SNTG1: variants seen among roughly 807,000 people sequenced by gnomAD.
SNTG1 encodes the protein syntrophin gamma 1.
In SNTG1, 39 loss-of-function variants were observed where a neutral mutation model predicts 74.7. The observed-to-expected ratio is 0.52, with a 90% confidence interval of 0.40 to 0.68. The LOEUF is 0.68. Ranked by LOEUF, SNTG1 falls within the 30% of genes least tolerant of loss-of-function variation. The pLI is 0.00. For synonymous variants in SNTG1, 254 were observed against 217.1 expected, an observed-to-expected ratio of 1.17 and a Z score of -1.49; for missense variants, 685 against 609.5, an observed-to-expected ratio of 1.12 and a Z score of -1.30.
chr8:50,603,162 C>A (rs1181519971), intron 13 of SNTG1, among the ~76,000 whole-genome samples: 2 of 152,128 alleles, frequency 1.3e-5, no homozygotes, highest in African/African-American at 2.4e-5. Context: ...TTTGCCTTTT[C>A]AAGGCTATTT....
intron 13 of SNTG1, among the ~76,000 whole-genome samples, chr8:50,620,997 G>A (rs2094919320): frequency 6.6e-6 from 1 of 152,140 alleles, no homozygotes; most frequent in Admixed American, 6.5e-5. Context: ...GAGCAAGGGG[G>A]TTGGAGGCAA....
At chr8:50,580,828 G>C (rs1429937714) in intron 12 of SNTG1, among the ~76,000 whole-genome samples, 2 of 152,104 alleles carry the variant, frequency 1.3e-5, no homozygotes. Context: ...AGTGAGAATG[G>C]ACTAATAGAG....
intron 18 of SNTG1, among the ~76,000 whole-genome samples, chr8:50,767,972 A>C (rs887715168): frequency 6.6e-6 from 1 of 152,026 alleles, no homozygotes; most frequent in Non-Finnish European, 1.5e-5. Context: ...ATATTCGTCT[A>C]AACTACTGAG....
chr8:50,223,201 G>T (rs2085156840), intron 2 of SNTG1, among the ~76,000 whole-genome samples: 1 of 152,040 alleles, frequency 6.6e-6, no homozygotes, highest in Non-Finnish European at 1.5e-5. Flanking sequence ...TATTTCTGGG[G>T]TAACAGAACT....
At chr8:50,280,298 C>A (rs1013701792) in intron 2 of SNTG1, among the ~76,000 whole-genome samples, 1 of 152,148 alleles carries the variant, frequency 6.6e-6, no homozygotes, top group Non-Finnish European at 1.5e-5. Flanking sequence ...AAAGTAAAAA[C>A]CAATTTCTGC....
In SNTG1 at chr8:49,947,858, C is replaced by T. The variant is rs141906227; in HGVS notation, c.-103+35627C>T. 7.0e-3 allele frequency among the ~76,000 whole-genome samples: 1,058 copies of T among 152,214 alleles called. 36 individuals are homozygous for T. Among genetic ancestry groups the T allele is most frequent in the Admixed American group, 0.056 (850 of 15,278 alleles). On this transcript the variant is annotated intron_variant, in intron 1 of 18. Transcript: ENST00000642720. ...TTAAAAGTTGATATCAGGCCTGGCG[C>T]GGTGGCTCATGCCTATAATCTCATC...
At chr8:50,238,712 G>A (rs753064933) in intron 2 of SNTG1, among the ~76,000 whole-genome samples, 1 of 152,028 alleles carries the variant, frequency 6.6e-6, no homozygotes, top group South Asian at 2.1e-4. Flanking sequence ...ACAACCTACA[G>A]AACGGAAAAA....
At chr8:50,288,166 A>C (rs1356195166) in intron 2 of SNTG1, among the ~76,000 whole-genome samples, 1 of 152,188 alleles carries the variant, frequency 6.6e-6, no homozygotes, top group South Asian at 2.1e-4. Context: ...TTGAGGAAGC[A>C]ATTGTTATTA....
intron 2 of SNTG1, among the ~76,000 whole-genome samples, chr8:50,308,217 G>A (rs2089974860): frequency 6.6e-6 from 1 of 151,596 alleles, no homozygotes; most frequent in Non-Finnish European, 1.5e-5. Context: ...GTATTAATTT[G>A]AAACAAAAAC....
At chr8:50,165,160 A>C (rs1161807772) in intron 1 of SNTG1, among the ~76,000 whole-genome samples, 1 of 152,184 alleles carries the variant, frequency 6.6e-6, no homozygotes, top group East Asian at 1.9e-4. Context: ...AGCTTTGCTT[A>C]CTGAAAAGAG....
chr8:50,795,323 G>A lies in SNTG1; in HGVS notation c.*2494G>A, dbSNP rs1179312393. 1.3e-5 allele frequency: 2 copies of A among 151,904 alleles called. No homozygotes were observed. Among genetic ancestry groups the A allele is most frequent in the Non-Finnish European group, 2.9e-5 (2 of 67,908 alleles). 9.4% of individuals were successfully genotyped at this position (151,904 alleles called of 1,614,324 possible). ...ATCAGTTTAACAATTAGTATTTAAT[G>A]TTTTCTTTACAATGTGGTGATTAGT... On this transcript the variant is annotated 3_prime_UTR_variant, in exon 19 of 19. Coordinates refer to ENST00000642720, the MANE Select transcript of SNTG1 (RefSeq NM_018967.5).
At chr8:50,569,551 A>C (rs1217003603) in intron 12 of SNTG1, among the ~76,000 whole-genome samples, 1 of 152,154 alleles carries the variant, frequency 6.6e-6, no homozygotes, top group Non-Finnish European at 1.5e-5. Context: ...CAAAAAACAA[A>C]AAAAAAACCT....
intron 18 of SNTG1, chr8:50,762,845 G>A (rs550092764): frequency 4.2e-5 from 16 of 378,012 alleles, no homozygotes; most frequent in East Asian, 3.2e-4. Context: ...TTCCTGCTCC[G>A]AAGCCAGACG....
intron 2 of SNTG1, among the ~76,000 whole-genome samples, chr8:50,239,728 A>G (rs920086018): frequency 2.6e-5 from 4 of 152,150 alleles, no homozygotes; most frequent in Non-Finnish European, 5.9e-5. Context: ...CTTCGTCAAT[A>G]TTGTTACAGA....
intron 2 of SNTG1, among the ~76,000 whole-genome samples, chr8:50,314,225 A>G (rs2090228257): frequency 6.7e-6 from 1 of 148,824 alleles, no homozygotes; most frequent in Non-Finnish European, 1.5e-5. Context: ...TGATTCTTTC[A>G]TCTTTACTCC....
At chr8:50,673,059 A>T (rs572794303) in intron 15 of SNTG1, among the ~76,000 whole-genome samples, 2 of 152,276 alleles carry the variant, frequency 1.3e-5, no homozygotes, top group East Asian at 3.9e-4. Flanking sequence ...TACCAGTACC[A>T]TGCTGTTTTG....
At chr8:50,197,028 A>C (rs975419957) in intron 2 of SNTG1, among the ~76,000 whole-genome samples, 1 of 152,046 alleles carries the variant, frequency 6.6e-6, no homozygotes, top group African/African-American at 2.4e-5. Context: ...CAGAGAGAGA[A>C]AGAAAACAGG....
chr8:49,952,921 G>A (rs959058792), intron 1 of SNTG1, among the ~76,000 whole-genome samples: 1 of 152,194 alleles, frequency 6.6e-6, no homozygotes, highest in Non-Finnish European at 1.5e-5. Context: ...AACAAGTATT[G>A]ACTGGTGGCA....
At chr8:50,536,065 T>C (rs1177255370) in intron 10 of SNTG1, among the ~76,000 whole-genome samples, 1 of 152,186 alleles carries the variant, frequency 6.6e-6, no homozygotes, top group Non-Finnish European at 1.5e-5. Context: ...ACTTAATGTA[T>C]GTGTAATTTT....
Sources: gnomAD v4.1 joint callset for allele counts (sites outside exome capture counted in the v4.1 genomes callset) on GRCh38, gnomAD v4.1.1 for gene constraint, MANE v1.5 for transcripts, NCBI Gene and HGNC (gene_info 2026-07-23, HGNC 2026-07-21) for gene names.